The following MOV10L1 variants were observed in gnomAD, a reference collection of about 807,000 sequenced individuals.
MOV10L1 encodes the protein RNA helicase Mov10l1.
A neutral mutation model predicts 143.8 loss-of-function variants in MOV10L1; 110 were observed. The observed-to-expected ratio is 0.76, with a 90% CI of 0.66 to 0.90. The LOEUF is 0.90. Ranked by LOEUF, MOV10L1 falls within the 40% of genes least tolerant of loss-of-function variation. MOV10L1 has a pLI of 0.00. For synonymous variants in MOV10L1, 593 were observed against 581.1 expected, an observed-to-expected ratio of 1.02 and a Z score of -0.29; for missense variants, 1,406 against 1,526.8, an observed-to-expected ratio of 0.92 and a Z score of 1.32.
At chr22:50,153,636 C>T (rs925988507) in intron 22 of MOV10L1, among the ~76,000 whole-genome samples, 7 of 152,174 alleles carry the variant, frequency 4.6e-5, no homozygotes, top group African/African-American at 1.7e-4. Context: ...GGAGAGAGCC[C>T]GGCAGGGAAG....
At chr22:50,120,437 TA>T in intron 9 of MOV10L1, 64 bp from the exon 10 acceptor site, 1 of 1,018,956 alleles carries the variant, frequency 9.8e-7, no homozygotes, top group Non-Finnish European at 1.5e-6. Flanking sequence ...GATGTTTAGG[TA>T]AGAATGTCTA....
At chr22:50,110,365 C>T (rs957400221) in intron 5 of MOV10L1, among the ~76,000 whole-genome samples, 1 of 151,306 alleles carries the variant, frequency 6.6e-6, no homozygotes, top group African/African-American at 2.4e-5. Flanking sequence ...AGGAGAATGG[C>T]GTGAACCCAG....
chr22:50,111,887 A>G (rs1004391921), intron 5 of MOV10L1, among the ~76,000 whole-genome samples: 1 of 151,970 alleles, frequency 6.6e-6, no homozygotes, highest in African/African-American at 2.4e-5. Flanking sequence ...CTTATTTTTG[A>G]TCCCGATAGA....
At chr22:50,160,174 G>C (rs548659154) in intron 24 of MOV10L1, among the ~76,000 whole-genome samples, 1 of 151,600 alleles carries the variant, frequency 6.6e-6, no homozygotes, top group Non-Finnish European at 1.5e-5. Context: ...ATGGAGTGCC[G>C]ATGAGACCCA....
chr22:50,122,831 G>T (rs2062388867), intron 10 of MOV10L1, among the ~76,000 whole-genome samples: 1 of 150,580 alleles, frequency 6.6e-6, no homozygotes, highest in Non-Finnish European at 1.5e-5. Flanking sequence ...GCCCAGGCTG[G>T]AGTGCAGTGG....
intron 15 of MOV10L1, among the ~76,000 whole-genome samples, chr22:50,139,810 G>T (rs1602299358): frequency 1.3e-5 from 2 of 152,186 alleles, no homozygotes; most frequent in East Asian, 3.8e-4. Flanking sequence ...ACCACAATGA[G>T]GTACCACTGA....
chr22:50,105,610 C>T (rs571432046), intron 3 of MOV10L1, among the ~76,000 whole-genome samples: 1 of 152,230 alleles, frequency 6.6e-6, no homozygotes, highest in South Asian at 2.1e-4. Flanking sequence ...TGGGGTTCTA[C>T]ATGTATTAAA....
chr22:50,141,634 C>A (rs117894017), intron 15 of MOV10L1, among the ~76,000 whole-genome samples: 5 of 152,092 alleles, frequency 3.3e-5, no homozygotes, highest in Non-Finnish European at 5.9e-5. Context: ...GCCCCGTGCC[C>A]GGCCTGGTGC....
intron 21 of MOV10L1, 66 bp downstream of exon 21, chr22:50,150,965 G>A (rs914665115): frequency 1.3e-6 from 2 of 1,589,206 alleles, no homozygotes; most frequent in Non-Finnish European, 8.6e-7. Context: ...GGGCAGTCGA[G>A]CAGCTCACTC....
At chr22:50,111,171 C>A (rs1325314831) in intron 5 of MOV10L1, among the ~76,000 whole-genome samples, 1 of 152,128 alleles carries the variant, frequency 6.6e-6, no homozygotes, top group African/African-American at 2.4e-5. Context: ...CCACAGGAAC[C>A]ATCTGTGGTT....
At chr22:50,113,907 CTTTTCTTTTT>C in intron 6 of MOV10L1, 119 bp downstream of exon 6, 4 of 451,128 alleles carry the variant, frequency 8.9e-6, no homozygotes, top group Admixed American at 5.5e-5. Flanking sequence ...TTATGAAGAT[CTTTTCTTTTT>C]TTTTTTTTTT....
chr22:50,142,882 G>C (rs1204377270), intron 16 of MOV10L1, among the ~76,000 whole-genome samples, 161 bp from the exon 17 acceptor site: 1 of 152,040 alleles, frequency 6.6e-6, no homozygotes, highest in East Asian at 1.9e-4. Context: ...GGAATGCCCT[G>C]TGCGCATCTT....
At chr22:50,113,904 G>C in intron 6 of MOV10L1, 116 bp downstream of exon 6, 3 of 565,032 alleles carry the variant, frequency 5.3e-6, no homozygotes, top group African/African-American at 2.2e-5. Context: ...TCTTTATGAA[G>C]ATCTTTTCTT....
In MOV10L1 at chr22:50,161,471, G is replaced by A. The variant is rs371666414; in HGVS notation, c.*22G>A. The A allele has an allele frequency of 3.6e-5, 56 of 1,565,378 alleles. 1 individual carries two copies. In the African/African-American group the frequency reaches 7.3e-4, roughly 20 times the overall value. ...CTGATCTGCAGTGGCTGACAGCAGGGAGGCCATGTGCTCAGCCTGGCCACG... is the reference window on the plus strand; with the variant it reads ...CTGATCTGCAGTGGCTGACAGCAGGAAGGCCATGTGCTCAGCCTGGCCACG... On this transcript the variant is annotated 3_prime_UTR_variant, in exon 27 of 27. Transcript: ENST00000262794.
At chr22:50,110,341 C>T (rs1386526105) in intron 5 of MOV10L1, among the ~76,000 whole-genome samples, 3 of 146,958 alleles carry the variant, frequency 2.0e-5, no homozygotes, top group Non-Finnish European at 4.5e-5. Context: ...CCCAGCTACT[C>T]GGGAGGCTGA....
intron 3 of MOV10L1, among the ~76,000 whole-genome samples, chr22:50,102,103 G>A (rs1234766910): frequency 1.3e-5 from 2 of 152,172 alleles, no homozygotes; most frequent in Non-Finnish European, 2.9e-5. Context: ...CAGGCCAAGG[G>A]ATTTCCCAGT....
intron 25 of MOV10L1, 53 bp downstream of exon 25, chr22:50,160,878 G>T: frequency 3.1e-6 from 5 of 1,613,162 alleles, no homozygotes; most frequent in Non-Finnish European, 4.2e-6. Context: ...GGAGGGTCCG[G>T]GTCACTCGGG....
At chr22:50,142,488 T>C (rs1411287972) in intron 16 of MOV10L1, among the ~76,000 whole-genome samples, 1 of 152,158 alleles carries the variant, frequency 6.6e-6, no homozygotes, top group Non-Finnish European at 1.5e-5. Flanking sequence ...TGACAGCCTG[T>C]CATTTTCCTC....
At chr22:50,151,003 G>C in intron 21 of MOV10L1, 104 bp downstream of exon 21, 1 of 1,438,176 alleles carries the variant, frequency 7.0e-7, no homozygotes, top group Non-Finnish European at 9.5e-7. Flanking sequence ...ATCTCCATCC[G>C]TGGGCAGAGT....
Sources: gnomAD v4.1 joint callset for allele counts (sites outside exome capture counted in the v4.1 genomes callset) on GRCh38, gnomAD v4.1.1 for gene constraint, MANE v1.5 for transcripts, NCBI Gene and HGNC (gene_info 2026-07-23, HGNC 2026-07-21) for gene names.